The following C8B variants were observed in gnomAD, a reference collection of about 807,000 sequenced individuals.
C8B encodes complement component C8 beta chain.
C8B carries 67 observed loss-of-function variants against 64.6 expected under a neutral mutation model. The ratio of observed to expected loss-of-function variants is 1.04; its 90% CI spans 0.85 to 1.27. The LOEUF is 1.27. Ranked by LOEUF, C8B falls within the 50% of genes most tolerant of loss-of-function variation. The pLI is 0.00. For missense variants in C8B, 790 were observed against 725.2 expected (o/e 1.09, Z -1.03); for synonymous variants, 284 against 257.7 (o/e 1.10, Z -0.98).
intron 10 of C8B, 74 bp downstream of exon 10, chr1:56,933,261 A>T: frequency 8.1e-7 from 1 of 1,238,162 alleles, no homozygotes; most frequent in Non-Finnish European, 1.2e-6. Context: ...AAACAGAAGC[A>T]GGCAAATGGC....
chr1:56,964,266 A>G (rs959255576), intron 1 of C8B, among the ~76,000 whole-genome samples: 1 of 152,148 alleles, frequency 6.6e-6, no homozygotes, highest in Non-Finnish European at 1.5e-5. Context: ...TATATATTTG[A>G]TCGTGTCACT....
chr1:56,954,564 A>G, intron 4 of C8B, 122 bp downstream of exon 4: 2 of 1,329,644 alleles, frequency 1.5e-6, no homozygotes, highest in Non-Finnish European at 2.2e-6. Flanking sequence ...CTTACAATAC[A>G]GTCTTTTCTC....
intron 7 of C8B, 134 bp from the exon 8 acceptor site, chr1:56,943,958 T>C (rs1036364679): frequency 2.1e-6 from 2 of 969,900 alleles, no homozygotes; most frequent in Non-Finnish European, 3.1e-6. Flanking sequence ...GTCACCAGCC[T>C]GATAACAAGA....
Position 56,964,629 on chromosome 1 carries a change from T to C in C8B, c.92+1228A>G, listed in dbSNP as rs149438231. Among the ~76,000 whole-genome samples the C allele has an allele frequency of 3.0e-3, 460 of 152,326 alleles. 6 individuals are homozygous for C. The highest frequency in any genetic ancestry group is 0.026 in the South Asian group (124 of 4,832). On this transcript the variant is annotated intron_variant, in intron 1 of 11. Coordinates refer to ENST00000371237, the MANE Select transcript of C8B (RefSeq NM_000066.4). ...AGAAGCCTTTCCAGGCCCTATGCCC[T>C]GTAGAGCTGATCATTCCCTCCTTGT...
chr1:56,963,455 C>T (rs530391543), intron 1 of C8B, among the ~76,000 whole-genome samples: 2 of 152,086 alleles, frequency 1.3e-5, no homozygotes, highest in Admixed American at 1.3e-4. Context: ...TTCAATTTCT[C>T]TTCTCTCTGT....
At chr1:56,952,437 C>A (rs144923032) in intron 4 of C8B, among the ~76,000 whole-genome samples, 42 of 152,308 alleles carry the variant, frequency 2.8e-4, no homozygotes, top group African/African-American at 9.1e-4. Context: ...CTGTTCCCTG[C>A]GCCCAGAATG....
chr1:56,965,818 A>G, intron 1 of C8B, 39 bp downstream of exon 1: 1 of 1,600,428 alleles, frequency 6.2e-7, no homozygotes, highest in Non-Finnish European at 8.6e-7. Context: ...CTTCCCTGTC[A>G]TATTATTGAT....
chr1:56,931,624 A>T, intron 11 of C8B, 186 bp downstream of exon 11: 1 of 582,380 alleles, frequency 1.7e-6, no homozygotes, highest in South Asian at 1.8e-5. Flanking sequence ...AAAAATAATG[A>T]AATGCATAAC....
intron 9 of C8B, among the ~76,000 whole-genome samples, chr1:56,935,380 T>C (rs1292764877): frequency 1.3e-5 from 2 of 152,166 alleles, no homozygotes; most frequent in Admixed American, 1.3e-4. Flanking sequence ...TCCTCCCTCC[T>C]TAACTTTTGT....
At chr1:56,941,524 AG>A (rs766067820) in intron 8 of C8B, among the ~76,000 whole-genome samples, 1 of 139,430 alleles carries the variant, frequency 7.2e-6, no homozygotes, top group East Asian at 1.9e-4. Flanking sequence ...ATAGATAGAT[AG>A]ATAGATAGAT....
Position 56,961,198 on chromosome 1 carries a change from T to C in C8B, c.93-1022A>G, listed in dbSNP as rs553575451. On this transcript the variant is annotated intron_variant, in intron 1 of 11. Coordinates refer to ENST00000371237, the MANE Select transcript of C8B (RefSeq NM_000066.4). ...TGAAGTGTGTATGATGATTCTTATTTTTTTCTTACAATTGAAAGGGTGTAT... is the reference window on the plus strand; with the variant it reads ...TGAAGTGTGTATGATGATTCTTATTCTTTTCTTACAATTGAAAGGGTGTAT... 2.0e-5 allele frequency among the ~76,000 whole-genome samples: 3 copies of C among 152,312 alleles called. No homozygotes were observed. In the South Asian group the frequency reaches 6.2e-4, roughly 32 times the overall value.
At chr1:56,936,718 C>T (rs1393242550) in intron 9 of C8B, among the ~76,000 whole-genome samples, 1 of 152,082 alleles carries the variant, frequency 6.6e-6, no homozygotes, top group Non-Finnish European at 1.5e-5. Flanking sequence ...CCTCAGCCTC[C>T]CGAGTAGCTG....
chr1:56,946,614 T>C (rs759233573), intron 6 of C8B, among the ~76,000 whole-genome samples: 5 of 152,236 alleles, frequency 3.3e-5, no homozygotes, highest in African/African-American at 4.8e-5. Flanking sequence ...CACACTCCAA[T>C]GGCAGTGTTG....
chr1:56,952,985 C>A (rs1645048040), intron 4 of C8B, among the ~76,000 whole-genome samples: 1 of 152,202 alleles, frequency 6.6e-6, no homozygotes, highest in Non-Finnish European at 1.5e-5. Context: ...CATCACAACG[C>A]ATTTACAATA....
intron 6 of C8B, 84 bp from the exon 7 acceptor site, chr1:56,946,145 G>C: frequency 2.0e-6 from 3 of 1,521,364 alleles, no homozygotes; most frequent in South Asian, 1.1e-5. Flanking sequence ...AATACCATCC[G>C]ATGTTCTTGG....
chr1:56,932,247 G>A (rs1457592805), intron 10 of C8B, among the ~76,000 whole-genome samples: 1 of 152,254 alleles, frequency 6.6e-6, no homozygotes, highest in East Asian at 1.9e-4. Context: ...TGAATACCTC[G>A]AGGATGGGGA....
At chr1:56,932,920 C>A (rs965390054) in intron 10 of C8B, among the ~76,000 whole-genome samples, 18 of 152,110 alleles carry the variant, frequency 1.2e-4, no homozygotes, top group African/African-American at 4.1e-4. Flanking sequence ...CTCACCCCTC[C>A]CAGTCTGCCC....
At chr1:56,944,486 A>G (rs761183038) in intron 7 of C8B, among the ~76,000 whole-genome samples, 3 of 152,186 alleles carry the variant, frequency 2.0e-5, no homozygotes, top group Non-Finnish European at 2.9e-5. Flanking sequence ...GTTGGTATAG[A>G]TCAGTTTTTC....
At chr1:56,943,855 G>T in intron 7 of C8B, 31 bp from the exon 8 acceptor site, 2 of 1,612,134 alleles carry the variant, frequency 1.2e-6, no homozygotes, top group Non-Finnish European at 1.7e-6. Context: ...GGTCCATGAC[G>T]TAAAAGGTAG....
Sources: allele counts gnomAD v4.1 joint callset (sites outside exome capture counted in the v4.1 genomes callset), GRCh38; gene constraint gnomAD v4.1.1; transcripts MANE v1.5; gene names NCBI Gene and HGNC (gene_info 2026-07-23, HGNC 2026-07-21).